The following PCDHGA4 variants were observed in gnomAD, a reference collection of about 807,000 sequenced individuals.
The protein encoded by PCDHGA4 is protocadherin gamma subfamily A, 4.
In PCDHGA4, 38 loss-of-function variants were observed where a neutral mutation model predicts 54.6. The observed-to-expected ratio is 0.70, with a 90% confidence interval of 0.54 to 0.91. The LOEUF (loss-of-function observed/expected upper bound fraction) is 0.91. Among genes scored for constraint, PCDHGA4 ranks in the 40% least tolerant of loss-of-function variants. The pLI, the probability that PCDHGA4 is intolerant of heterozygous loss-of-function variation, is 0.00. For synonymous variants in PCDHGA4, 511 were observed against 512.9 expected (o/e 1.00, Z 0.05); for missense variants, 1,298 against 1,220.9 (o/e 1.06, Z -0.94).
intron 1 of PCDHGA4, chr5:141,394,095 G>A: frequency 6.2e-7 from 1 of 1,613,848 alleles, no homozygotes; most frequent in Non-Finnish European, 8.5e-7. Context: ...CTCAGATCTA[G>A]GAACACCACC....
At chr5:141,388,412 T>G (rs1381904129) in intron 1 of PCDHGA4, 1 of 1,613,752 alleles carries the variant, frequency 6.2e-7, no homozygotes, top group African/African-American at 1.3e-5. Context: ...GTCCCAGTGA[T>G]CATTTCTCAC....
chr5:141,492,084 G>A (rs979755390), intron 1 of PCDHGA4, among the ~76,000 whole-genome samples: 1 of 152,236 alleles, frequency 6.6e-6, no homozygotes, highest in Non-Finnish European at 1.5e-5. Flanking sequence ...GCTCCGGCAC[G>A]CTTCGCCGGT....
chr5:141,371,126 G>A (rs771503088), intron 1 of PCDHGA4: 2 of 1,613,996 alleles, frequency 1.2e-6, no homozygotes, highest in South Asian at 2.2e-5. Context: ...TATTTACTCA[G>A]GACATGTACA....
At chr5:141,399,870 C>CT (rs770811342) in intron 1 of PCDHGA4, 103 of 1,612,856 alleles carry the variant, frequency 6.4e-5, no homozygotes, top group Middle Eastern at 5.4e-4. Context: ...CAGAGCCCGG[C>CT]TACCTGGTGA....
chr5:141,423,011 T>C, intron 1 of PCDHGA4: 4 of 1,614,186 alleles, frequency 2.5e-6, no homozygotes, highest in Non-Finnish European at 3.4e-6. Flanking sequence ...GTGGTTGCGG[T>C]GGACAAAGAT....
chr5:141,481,167 A>C (rs77180710), intron 1 of PCDHGA4, among the ~76,000 whole-genome samples: 2,577 of 152,328 alleles, frequency 0.017, 78 homozygotes, highest in African/African-American at 0.059. Flanking sequence ...GCAGAACCAG[A>C]ATCCAGCTTT....
rs552812176 is a variant in PCDHGA4, at chr5:141,497,407, A to G, written c.2573+2542A>G. Among the ~76,000 whole-genome samples, 43 of 152,204 alleles carry G rather than the reference A, an allele frequency of 2.8e-4. No individual in the cohort carries two copies. In the Middle Eastern group the frequency reaches 0.01, roughly 36 times the overall value. The stretch of plus-strand genomic sequence containing the variant: ...GCACCTTACCCCTGCCTCAACTCCC[A>G]TTCCATCAAATGAGAGGCTTAGTGG... On this transcript the variant is annotated intron_variant, in intron 2 of 3. Coordinates refer to ENST00000571252, the MANE Select transcript of PCDHGA4 (RefSeq NM_018917.4).
intron 1 of PCDHGA4, chr5:141,370,922 G>C (rs563952977): frequency 6.2e-7 from 1 of 1,613,978 alleles, no homozygotes; most frequent in Admixed American, 1.7e-5. Context: ...GCCCTGATCC[G>C]CACTTCTCTT....
chr5:141,364,676 AT>A, intron 1 of PCDHGA4: 2 of 1,614,002 alleles, frequency 1.2e-6, no homozygotes, highest in South Asian at 2.2e-5. Context: ...CAAAATGAAA[AT>A]TTATGGAGTA....
intron 1 of PCDHGA4, chr5:141,471,430 G>A (rs2099257545): frequency 6.6e-6 from 1 of 152,140 alleles, no homozygotes; most frequent in South Asian, 2.1e-4. Flanking sequence ...CAAGGAAAGT[G>A]TATAATCTCA....
chr5:141,490,837 G>A lies in PCDHGA4; in HGVS notation c.2515-3970G>A. On this transcript the variant is annotated intron_variant, in intron 1 of 3. Coordinates refer to ENST00000571252, the MANE Select transcript of PCDHGA4 (RefSeq NM_018917.4). This position sits in a 1 kb window ranked among gnomAD's most constrained non-coding sequence, Gnocchi z 5.4. ...TGAATTGCTGCAGATGCTGCAGATTGTGGTGGGGGTTCGAGACTCCGGCTC... is the reference window on the plus strand; with the variant it reads ...TGAATTGCTGCAGATGCTGCAGATTATGGTGGGGGTTCGAGACTCCGGCTC... The A allele has an allele frequency of 1.9e-6, 3 of 1,613,914 alleles. No homozygotes were observed. The highest frequency in any genetic ancestry group is 2.2e-5 in the South Asian group (2 of 91,072).
chr5:141,394,012 A>C lies in PCDHGA4; in HGVS notation c.2514+36391A>C, dbSNP rs756847755. ...TTTAAATTAGAAAAGTCAATAGGTA[A>C]TTATTATAGATTAGTGACAAGGAAA... On this transcript the variant is annotated intron_variant, in intron 1 of 3. Coordinates refer to ENST00000571252, the MANE Select transcript of PCDHGA4 (RefSeq NM_018917.4). The C allele has an allele frequency of 2.6e-5, 42 of 1,613,288 alleles. No individual in the cohort carries two copies. Among genetic ancestry groups the C allele is most frequent in the Non-Finnish European group, 3.4e-5 (40 of 1,179,552 alleles).
chr5:141,406,434 A>G (rs1203599965), intron 1 of PCDHGA4, among the ~76,000 whole-genome samples: 1 of 152,238 alleles, frequency 6.6e-6, no homozygotes, highest in Non-Finnish European at 1.5e-5. Context: ...TATTGCTTCT[A>G]TTCTTCCATT....
In PCDHGA4 at chr5:141,420,282, T is replaced by C. The variant is rs543435018; in HGVS notation, c.2514+62661T>C. 2.1e-5 allele frequency: 31 copies of C among 1,510,188 alleles called. No homozygotes were observed. In the African/African-American group the frequency reaches 4.0e-4, roughly 20 times the overall value. 93.5% of individuals were successfully genotyped at this position (1,510,188 alleles called of 1,614,324 possible). On this transcript the variant is annotated intron_variant, in intron 1 of 3. Coordinates refer to ENST00000571252, the MANE Select transcript of PCDHGA4 (RefSeq NM_018917.4). ...AAGAAGATTCTTAAACAGGTAAGTA[T>C]TTAAAAATGTATTTAATCCTTTTTA...
intron 1 of PCDHGA4, chr5:141,399,654 G>A (rs2093857278): frequency 1.2e-6 from 2 of 1,613,586 alleles, no homozygotes. Flanking sequence ...AAAGTGGGGT[G>A]GTGTTCGCGC....
chr5:141,410,054 A>C, intron 1 of PCDHGA4: 1 of 1,613,064 alleles, frequency 6.2e-7, no homozygotes. Context: ...CGGACTCTTC[A>C]GCCTGGGGCT....
intron 1 of PCDHGA4, chr5:141,426,414 G>A (rs2096934345): frequency 3.5e-6 from 1 of 287,986 alleles, no homozygotes; most frequent in Admixed American, 4.4e-5. Context: ...AAACGGTCCA[G>A]GGCTCCGTGG....
At chr5:141,371,417 T>C in intron 1 of PCDHGA4, 3 of 1,613,948 alleles carry the variant, frequency 1.9e-6, no homozygotes, top group Middle Eastern at 1.6e-4. Context: ...CAGATGAAAA[T>C]GACAATGCCC....
intron 1 of PCDHGA4, chr5:141,409,665 CCTACT>C (rs753951498): frequency 6.2e-7 from 1 of 1,613,576 alleles, no homozygotes; most frequent in Admixed American, 1.7e-5. Context: ...GGCCACATCT[CCTACT>C]CTATAGTGGC....
Sources: gnomAD v4.1 joint callset for allele counts (sites outside exome capture counted in the v4.1 genomes callset) on GRCh38, gnomAD v4.1.1 for gene constraint, Gnocchi (gnomAD v3.1) non-coding constraint, MANE v1.5 for transcripts, NCBI Gene and HGNC (gene_info 2026-07-23, HGNC 2026-07-21) for gene names.